The following MED27 variants were observed in gnomAD, a reference collection of about 807,000 sequenced individuals.
MED27 encodes the protein mediator of RNA polymerase II transcription subunit 27.
In MED27, 30 loss-of-function variants were observed where a neutral mutation model predicts 38.2. The ratio of observed to expected loss-of-function variants is 0.79; its 90% CI spans 0.59 to 1.07. The LOEUF (loss-of-function observed/expected upper bound fraction) is 1.07, where lower values mean the gene tolerates loss of function less well. MED27 is among the 50% of genes least tolerant of loss of function. MED27 has a pLI of 0.00. For synonymous variants in MED27, 122 were observed against 153.5 expected, an observed-to-expected ratio of 0.79 and a Z score of 1.52; for missense variants, 289 against 397.5, an observed-to-expected ratio of 0.73 and a Z score of 2.32.
At chr9:131,955,686 G>T (rs1831082792) in intron 3 of MED27, among the ~76,000 whole-genome samples, 1 of 152,132 alleles carries the variant, frequency 6.6e-6, no homozygotes, top group Non-Finnish European at 1.5e-5. Context: ...GACATGAGAA[G>T]AAATAAACAT....
At position 132,066,601 on chromosome 9, in the gene MED27, G is replaced by A. The variant is rs114409842; in HGVS notation, c.348+10841C>T. ...GAGCCAAGACCCTGGCCAGGGACTG[G>A]CCCCAGCAACAGGCCTCACCAAGCC... On this transcript the variant is annotated intron_variant, in intron 2 of 7. Transcript: ENST00000292035. Among the ~76,000 whole-genome samples, 1,299 of 152,334 alleles carry A rather than the reference G, an allele frequency of 8.5e-3. 12 individuals carry two copies. The highest frequency in any genetic ancestry group is 0.029 in the African/African-American group (1,216 of 41,572).
intron 2 of MED27, among the ~76,000 whole-genome samples, chr9:132,017,313 C>G (rs940326812): frequency 1.3e-5 from 2 of 152,176 alleles, no homozygotes; most frequent in African/African-American, 4.8e-5. Flanking sequence ...GAAGGGAGTT[C>G]AGAGTGAATC....
At chr9:131,958,490 C>T (rs1175292194) in intron 3 of MED27, among the ~76,000 whole-genome samples, 1 of 152,210 alleles carries the variant, frequency 6.6e-6, no homozygotes, top group Non-Finnish European at 1.5e-5. Context: ...TCGTGATCCA[C>T]CTGCCTCAGC....
chr9:132,047,077 T>A (rs61341888), intron 2 of MED27, among the ~76,000 whole-genome samples: 1 of 152,292 alleles, frequency 6.6e-6, no homozygotes, highest in East Asian at 1.9e-4. Context: ...TATATACACA[T>A]GCAATCTTAA....
chr9:132,071,319 A>G (rs1020444877), intron 2 of MED27, among the ~76,000 whole-genome samples: 1 of 152,036 alleles, frequency 6.6e-6, no homozygotes, highest in Non-Finnish European at 1.5e-5. Context: ...CACACGAGAA[A>G]CAGGCGTCCC....
intron 6 of MED27, among the ~76,000 whole-genome samples, chr9:131,881,038 T>A (rs917848270): frequency 6.6e-6 from 1 of 152,206 alleles, no homozygotes; most frequent in South Asian, 2.1e-4. Flanking sequence ...GAAGTCATCA[T>A]TGGCCTTTTG....
chr9:131,974,608 A>G (rs1831564146), intron 3 of MED27, among the ~76,000 whole-genome samples: 2 of 152,218 alleles, frequency 1.3e-5, no homozygotes, highest in South Asian at 4.1e-4. Flanking sequence ...AAAGAAGAGG[A>G]GTGGGTCAGA....
At chr9:131,956,060 T>C (rs1443418276) in intron 3 of MED27, among the ~76,000 whole-genome samples, 2 of 152,122 alleles carry the variant, frequency 1.3e-5, no homozygotes, top group Non-Finnish European at 2.9e-5. Flanking sequence ...AAATGCAAAA[T>C]TGGACTAACA....
intron 4 of MED27, among the ~76,000 whole-genome samples, chr9:131,919,288 A>T (rs1830347065): frequency 6.6e-6 from 1 of 152,172 alleles, no homozygotes; most frequent in Admixed American, 6.5e-5. Context: ...CTCAGAATTG[A>T]GTGGGCCCAG....
intron 4 of MED27, among the ~76,000 whole-genome samples, chr9:131,896,221 C>T (rs757115637): frequency 2.3e-4 from 35 of 152,080 alleles, no homozygotes; most frequent in Non-Finnish European, 4.3e-4. Context: ...TTTGTAGTTA[C>T]AGACACTGAA....
chr9:131,862,615 G>A lies in MED27; in HGVS notation c.801+448C>T, dbSNP rs548656119. 1.3e-5 allele frequency among the ~76,000 whole-genome samples: 2 copies of A among 152,116 alleles called. No homozygotes were observed. Among genetic ancestry groups the A allele is most frequent in the Admixed American group, 1.3e-4 (2 of 15,272 alleles). On this transcript the variant is annotated intron_variant, in intron 7 of 7. Coordinates refer to ENST00000292035, the MANE Select transcript of MED27 (RefSeq NM_004269.4). This position sits in a 1 kb window ranked among gnomAD's most constrained non-coding sequence, Gnocchi z 4.6. Reference sequence around the variant, plus strand: ...TACTGAACAGGCACTGGCAGGAGCCGGCTGCAGCACCCCATTGGAATGGCT... The same window carrying A: ...TACTGAACAGGCACTGGCAGGAGCCAGCTGCAGCACCCCATTGGAATGGCT...
intron 3 of MED27, among the ~76,000 whole-genome samples, chr9:132,002,637 C>T (rs916458901): frequency 4.6e-5 from 7 of 152,170 alleles, no homozygotes; most frequent in African/African-American, 7.2e-5. Flanking sequence ...ATTGGCTGGG[C>T]ACAGTGGCTC....
intron 2 of MED27, among the ~76,000 whole-genome samples, chr9:132,072,207 A>G (rs1564350102): frequency 6.6e-6 from 1 of 152,234 alleles, no homozygotes; most frequent in African/African-American, 2.4e-5. Context: ...CCATTTACTT[A>G]GCACTTACTA....
intron 4 of MED27, among the ~76,000 whole-genome samples, chr9:131,934,438 A>G (rs1176883250): frequency 6.6e-6 from 1 of 152,164 alleles, no homozygotes; most frequent in Non-Finnish European, 1.5e-5. Flanking sequence ...TCTACAGGAA[A>G]AAAAAAATCT....
At chr9:131,941,843 T>TTTTTTTTTG (rs57786480) in intron 3 of MED27, among the ~76,000 whole-genome samples, 1 of 139,930 alleles carries the variant, frequency 7.1e-6, no homozygotes, top group African/African-American at 2.9e-5. Context: ...TTTTTTTTTT[T>TTTTTTTTTG]GAGACCGAGT....
chr9:131,870,078 T>C (rs1057369148), intron 6 of MED27, among the ~76,000 whole-genome samples: 2 of 152,186 alleles, frequency 1.3e-5, no homozygotes, highest in Non-Finnish European at 2.9e-5. Context: ...TCTGCCATAT[T>C]GTGTGCATGG....
chr9:131,898,186 C>T (rs1002672748), intron 4 of MED27, among the ~76,000 whole-genome samples: 5 of 146,956 alleles, frequency 3.4e-5, no homozygotes, highest in African/African-American at 1.3e-4. Flanking sequence ...CACTGGCTTA[C>T]TTTTGGGATC....
At chr9:132,053,796 G>A (rs1219680574) in intron 2 of MED27, among the ~76,000 whole-genome samples, 1 of 152,138 alleles carries the variant, frequency 6.6e-6, no homozygotes, top group Non-Finnish European at 1.5e-5. Context: ...TCCCCAAAGC[G>A]TGGAGTGTAC....
rs1359871117 is a variant in MED27 at position 131,948,514 on chromosome 9, AC to A, written c.480-9041del. ...ACAAAAACAAAAACAAAAAAAAAAA[AC>A]AAAAAACCAAAACATAACACCAACC... On this transcript the variant is annotated intron_variant, in intron 3 of 7. Transcript: ENST00000292035. 1.7e-3 allele frequency among the ~76,000 whole-genome samples: 251 copies of A among 148,116 alleles called. 1 individual carries two copies. Among genetic ancestry groups the A allele is most frequent in the African/African-American group, 5.4e-3 (219 of 40,262 alleles).
Sources: allele counts gnomAD v4.1 joint callset (sites outside exome capture counted in the v4.1 genomes callset), GRCh38; gene constraint gnomAD v4.1.1; non-coding constraint Gnocchi (gnomAD v3.1); transcripts MANE v1.5; gene names NCBI Gene and HGNC (gene_info 2026-07-23, HGNC 2026-07-21).